The following SPATA6L variants were observed in gnomAD, a reference collection of about 807,000 sequenced individuals.
SPATA6L encodes the protein spermatogenesis associated 6-like protein.
A neutral mutation model predicts 49.2 loss-of-function variants in SPATA6L; 68 were observed. The observed-to-expected ratio is 1.38, with a 90% CI of 1.14 to 1.69. The LOEUF (loss-of-function observed/expected upper bound fraction) is 1.69, where lower values mean the gene tolerates loss of function less well. Ranked by LOEUF, SPATA6L falls within the 40% of genes most tolerant of loss-of-function variation. The pLI is 0.00. For missense variants in SPATA6L, 668 were observed against 464.3 expected, an observed-to-expected ratio of 1.44 and a Z score of -4.03; for synonymous variants, 198 against 165.7, an observed-to-expected ratio of 1.19 and a Z score of -1.50.
At chr9:4,604,094 C>A in intron 11 of SPATA6L, 85 bp downstream of exon 11, 1 of 859,566 alleles carries the variant, frequency 1.2e-6, no homozygotes, top group East Asian at 2.5e-5. Flanking sequence ...CTAGTTACTT[C>A]ATATTGATAG....
At chr9:4,646,321 T>A in intron 3 of SPATA6L, 1 of 413,234 alleles carries the variant, frequency 2.4e-6, no homozygotes, top group African/African-American at 2.1e-5. Context: ...TAGACAAAAT[T>A]TAATAGATTG....
intron 4 of SPATA6L, among the ~76,000 whole-genome samples, chr9:4,634,086 T>C (rs10974688): frequency 0.063 from 9,661 of 152,170 alleles, 496 homozygotes; most frequent in Admixed American, 0.14. Context: ...CTTAAGAAAA[T>C]ATAAGAAAGT....
chr9:4,595,181 G>A (rs1270939047), downstream of SPATA6L, among the ~76,000 whole-genome samples: 1 of 152,128 alleles, frequency 6.6e-6, no homozygotes, highest in African/African-American at 2.4e-5. Flanking sequence ...CCTTCACTTT[G>A]TAACAAGCCC....
intron 4 of SPATA6L, 137 bp downstream of exon 4, chr9:4,635,138 G>T: frequency 1.2e-6 from 1 of 814,214 alleles, no homozygotes; most frequent in Non-Finnish European, 1.7e-6. Flanking sequence ...ACCTTGAGTT[G>T]GGCATCAAAA....
chr9:4,654,313 G>A (rs1837598489), intron 3 of SPATA6L, among the ~76,000 whole-genome samples: 1 of 152,208 alleles, frequency 6.6e-6, no homozygotes, highest in Non-Finnish European at 1.5e-5. Flanking sequence ...CTCTCAGGAC[G>A]TGCGATGGGG....
At chr9:4,610,175 T>A (rs1260836888) in intron 9 of SPATA6L, among the ~76,000 whole-genome samples, 1 of 151,970 alleles carries the variant, frequency 6.6e-6, no homozygotes, top group Non-Finnish European at 1.5e-5. Flanking sequence ...GAACATTCCA[T>A]GCTCATGGGT....
At chr9:4,646,665 C>T (rs1835447115) in intron 3 of SPATA6L, 2 of 418,432 alleles carry the variant, frequency 4.8e-6, no homozygotes, top group Admixed American at 4.1e-5. Flanking sequence ...ACTGCCAAAC[C>T]AACATCAAAT....
At chr9:4,637,927 C>G (rs374199216) in intron 3 of SPATA6L, among the ~76,000 whole-genome samples, 3 of 152,216 alleles carry the variant, frequency 2.0e-5, no homozygotes, top group Admixed American at 2.0e-4. Flanking sequence ...GCTTTTCCAA[C>G]TCTTACCCTT....
At chr9:4,593,994 G>A (rs1822070386), downstream of SPATA6L, among the ~76,000 whole-genome samples, 1 of 152,136 alleles carries the variant, frequency 6.6e-6, no homozygotes, top group Non-Finnish European at 1.5e-5. Flanking sequence ...CCATCTCTAT[G>A]CAGATGATTA....
intron 7 of SPATA6L, among the ~76,000 whole-genome samples, chr9:4,621,539 A>C (rs1829301970): frequency 6.6e-6 from 1 of 151,878 alleles, no homozygotes; most frequent in Non-Finnish European, 1.5e-5. Context: ...CCCAGGCTGA[A>C]GTGCAATGGC....
rs1832561389 is a variant in SPATA6L at position 4,635,272 on chromosome 9, T to G, written c.351+3A>C. The stretch of plus-strand genomic sequence containing the variant: ...GAAGCCCAGATGAGCATGAATCACT[T>G]ACTGGAAAACCCAGAGCCGTCTTCA... On this transcript the variant is annotated splice_donor_region_variant and intron_variant, in intron 4 of 11. Coordinates refer to ENST00000682582, the MANE Select transcript of SPATA6L (RefSeq NM_001353486.2). The G allele has an allele frequency of 2.0e-6, 3 of 1,511,806 alleles. No homozygotes were observed. The highest frequency in any genetic ancestry group is 2.7e-5 in the South Asian group (2 of 74,124). The allele number at this position is 1,511,806 out of a possible 1,614,324, so 93.6% of individuals were successfully genotyped here. A position where few individuals can be genotyped will look rare whatever the true frequency, so the allele number is the denominator to read the frequency against.
intron 3 of SPATA6L, among the ~76,000 whole-genome samples, chr9:4,638,494 T>C (rs1278110935): frequency 1.3e-5 from 2 of 151,962 alleles, no homozygotes; most frequent in Admixed American, 6.6e-5. Flanking sequence ...ATTACAGGTG[T>C]GAGCCACCAC....
chr9:4,604,081 T>G, intron 11 of SPATA6L, 98 bp downstream of exon 11: 1 of 768,670 alleles, frequency 1.3e-6, no homozygotes. Flanking sequence ...TCCTCCACAC[T>G]TTCTAGTTAC....
chr9:4,661,749 T>TACGACTGCGGTTTTGCTTCAAGG (rs1554615825), intron 2 of SPATA6L, 150 bp downstream of exon 2: 19 of 800,008 alleles, frequency 2.4e-5, no homozygotes, highest in Non-Finnish European at 3.6e-5. Context: ...AAGCAAGTGT[T>TACGACTGCGGTTTTGCTTCAAGG]CCGACTGCGG....
intron 13 of SPATA6L, among the ~76,000 whole-genome samples, chr9:4,592,085 C>T (rs986958064): frequency 1.3e-5 from 2 of 152,086 alleles, no homozygotes; most frequent in Non-Finnish European, 2.9e-5. Context: ...GAGGCCGAGG[C>T]GGGTGGATCA....
intron 9 of SPATA6L, among the ~76,000 whole-genome samples, chr9:4,605,794 G>C (rs548386523): frequency 6.6e-6 from 1 of 152,198 alleles, no homozygotes; most frequent in East Asian, 1.9e-4. Context: ...TTTAAATCCG[G>C]TTTTCGGGGA....
At chr9:4,611,781 T>C (rs1826803858) in intron 9 of SPATA6L, among the ~76,000 whole-genome samples, 1 of 151,606 alleles carries the variant, frequency 6.6e-6, no homozygotes, top group East Asian at 1.9e-4. Context: ...ACATGTACCC[T>C]AAAACTTAAA....
chr9:4,605,577 G>A (rs1824586688), intron 9 of SPATA6L, 137 bp from the exon 10 acceptor site: 1 of 602,070 alleles, frequency 1.7e-6, no homozygotes, highest in Non-Finnish European at 2.9e-6. Context: ...AACATAGTGT[G>A]ATTTCAATGT....
At chr9:4,630,517 C>T (rs1831301724) in intron 4 of SPATA6L, among the ~76,000 whole-genome samples, 1 of 152,322 alleles carries the variant, frequency 6.6e-6, no homozygotes, top group African/African-American at 2.4e-5. Context: ...GGCCAAGTTA[C>T]TTCTTGCCCT....
Sources: gnomAD v4.1 joint callset for allele counts (sites outside exome capture counted in the v4.1 genomes callset) on GRCh38, gnomAD v4.1.1 for gene constraint, MANE v1.5 for transcripts, NCBI Gene and HGNC (gene_info 2026-07-23, HGNC 2026-07-21) for gene names.